Variants in ARHGAP15 observed in about 807,000 individuals in gnomAD.
The protein encoded by ARHGAP15 is rho GTPase-activating protein 15.
Under a neutral mutation model 63.7 loss-of-function variants are expected in ARHGAP15, and 51 were observed. That is an observed-to-expected ratio of 0.80 (90% CI 0.64 to 1.01). The LOEUF (loss-of-function observed/expected upper bound fraction) is 1.01. Ranked by LOEUF, ARHGAP15 falls within the 50% of genes least tolerant of loss-of-function variation. The pLI is 0.00. For missense variants in ARHGAP15, 560 were observed against 564.6 expected, an observed-to-expected ratio of 0.99 and a Z score of 0.08; for synonymous variants, 191 against 193.8, an observed-to-expected ratio of 0.99 and a Z score of 0.12.
At chr2:143,390,537 G>T (rs1359531852) in intron 6 of ARHGAP15, among the ~76,000 whole-genome samples, 1 of 152,120 alleles carries the variant, frequency 6.6e-6, no homozygotes, top group Non-Finnish European at 1.5e-5. Context: ...TGATGAAGAT[G>T]TGCACACAGA....
At chr2:143,159,680 C>G (rs888867925) in intron 2 of ARHGAP15, among the ~76,000 whole-genome samples, 3 of 151,888 alleles carry the variant, frequency 2.0e-5, no homozygotes, top group African/African-American at 7.2e-5. Context: ...GCATGTGTAA[C>G]AGTAACACTT....
Position 143,412,196 on chromosome 2 carries a change from G to C in ARHGAP15, c.475-23405G>C, listed in dbSNP as rs546465736. Reference sequence around the variant, plus strand: ...GTTAGGAACGGAGGCAGGTGGAACAGTTCGGAAGCTCTATGTCGTGTTTTT... The same window carrying C: ...GTTAGGAACGGAGGCAGGTGGAACACTTCGGAAGCTCTATGTCGTGTTTTT... On this transcript the variant is annotated intron_variant, in intron 6 of 13. Coordinates refer to ENST00000295095, the MANE Select transcript of ARHGAP15 (RefSeq NM_018460.4). 2.6e-5 allele frequency among the ~76,000 whole-genome samples: 4 copies of C among 152,172 alleles called. No individual in the cohort carries two copies. In the South Asian group the frequency reaches 6.2e-4, roughly 24 times the overall value.
intron 2 of ARHGAP15, among the ~76,000 whole-genome samples, chr2:143,163,074 A>T (rs1416219602): frequency 6.6e-6 from 1 of 152,050 alleles, no homozygotes; most frequent in African/African-American, 2.4e-5. Flanking sequence ...TATGTCAAAT[A>T]TTATCCTTTG....
chr2:143,257,650 G>C (rs993541922), intron 6 of ARHGAP15, among the ~76,000 whole-genome samples: 1 of 152,094 alleles, frequency 6.6e-6, no homozygotes, highest in Non-Finnish European at 1.5e-5. Flanking sequence ...TGATTTGGTA[G>C]AGCTAGTGTG....
chr2:143,515,355 T>C (rs1235035903), intron 9 of ARHGAP15, among the ~76,000 whole-genome samples: 2 of 152,206 alleles, frequency 1.3e-5, no homozygotes, highest in Admixed American at 1.3e-4. Context: ...ACTTCTTTCA[T>C]ATGAAAATAA....
intron 9 of ARHGAP15, among the ~76,000 whole-genome samples, chr2:143,507,995 G>C (rs1405113179): frequency 4.0e-5 from 6 of 150,174 alleles, no homozygotes; most frequent in Non-Finnish European, 7.4e-5. Flanking sequence ...ACGGCAATTA[G>C]AAGGATCATT....
intron 10 of ARHGAP15, among the ~76,000 whole-genome samples, chr2:143,521,661 G>T (rs923134062): frequency 6.6e-6 from 1 of 152,202 alleles, no homozygotes; most frequent in East Asian, 1.9e-4. Context: ...AAATGCTGAT[G>T]GACCAGTTAT....
chr2:143,517,041 C>T (rs896297843), intron 9 of ARHGAP15, among the ~76,000 whole-genome samples: 5 of 152,304 alleles, frequency 3.3e-5, no homozygotes, highest in East Asian at 3.9e-4. Flanking sequence ...CCTCTCCCTC[C>T]GGGTTGAAGC....
At chr2:143,250,020 A>C (rs1360300572) in intron 5 of ARHGAP15, among the ~76,000 whole-genome samples, 3 of 152,078 alleles carry the variant, frequency 2.0e-5, no homozygotes, top group Non-Finnish European at 1.5e-5. Flanking sequence ...TTTCTAGATG[A>C]TGTAGTCAGA....
chr2:143,356,917 A>G (rs1685835859), intron 6 of ARHGAP15, among the ~76,000 whole-genome samples: 1 of 152,200 alleles, frequency 6.6e-6, no homozygotes, highest in African/African-American at 2.4e-5. Context: ...CTGACACGCC[A>G]TCCGTCAATT....
intron 6 of ARHGAP15, among the ~76,000 whole-genome samples, chr2:143,360,978 T>C (rs1038829614): frequency 2.0e-5 from 3 of 152,168 alleles, no homozygotes; most frequent in Non-Finnish European, 2.9e-5. Flanking sequence ...AATGTCTCTA[T>C]GTAGATCTCT....
intron 13 of ARHGAP15, among the ~76,000 whole-genome samples, chr2:143,709,863 A>G (rs1455575743): frequency 6.6e-6 from 1 of 152,240 alleles, no homozygotes; most frequent in Non-Finnish European, 1.5e-5. Context: ...GGGAGAAATT[A>G]GATATGCTTA....
chr2:143,450,178 C>T (rs1300363680), intron 8 of ARHGAP15, among the ~76,000 whole-genome samples: 2 of 137,520 alleles, frequency 1.5e-5, no homozygotes, highest in Non-Finnish European at 3.0e-5. Flanking sequence ...TTAAATCGGG[C>T]ATAACCATAA....
intron 6 of ARHGAP15, among the ~76,000 whole-genome samples, chr2:143,387,042 T>C (rs1024868667): frequency 9.9e-5 from 15 of 152,018 alleles, no homozygotes; most frequent in Non-Finnish European, 1.8e-4. Flanking sequence ...AAAAAATAAC[T>C]ATTGGGTACT....
At chr2:143,422,266 A>G (rs1688956144) in intron 6 of ARHGAP15, among the ~76,000 whole-genome samples, 1 of 152,142 alleles carries the variant, frequency 6.6e-6, no homozygotes, top group Non-Finnish European at 1.5e-5. Context: ...AGAATGATAA[A>G]TGGCACAATA....
intron 3 of ARHGAP15, 43 bp downstream of exon 3, chr2:143,202,245 A>T (rs777970233): frequency 6.6e-7 from 1 of 1,512,602 alleles, no homozygotes; most frequent in South Asian, 1.1e-5. Flanking sequence ...CTGATACAAA[A>T]TAAATTGCCA....
intron 6 of ARHGAP15, among the ~76,000 whole-genome samples, chr2:143,303,111 T>TC (rs1682987607): frequency 6.6e-6 from 1 of 151,974 alleles, no homozygotes; most frequent in Non-Finnish European, 1.5e-5. Flanking sequence ...GGCAAAGACT[T>TC]CATGACTAAA....
intron 6 of ARHGAP15, among the ~76,000 whole-genome samples, chr2:143,282,906 A>G (rs541870425): frequency 8.7e-4 from 132 of 152,254 alleles, no homozygotes; most frequent in African/African-American, 3.1e-3. Flanking sequence ...CCTTGGCGTT[A>G]CGCTGTAGCC....
intron 6 of ARHGAP15, among the ~76,000 whole-genome samples, chr2:143,325,577 C>T (rs1019230155): frequency 6.6e-6 from 1 of 152,086 alleles, no homozygotes; most frequent in African/African-American, 2.4e-5. Context: ...GAGGAAACCT[C>T]GTTTTTATTT....
Sources: gnomAD v4.1 joint callset for allele counts (sites outside exome capture counted in the v4.1 genomes callset) on GRCh38, gnomAD v4.1.1 for gene constraint, MANE v1.5 for transcripts, NCBI Gene and HGNC (gene_info 2026-07-23, HGNC 2026-07-21) for gene names.